The following CEP112 variants were observed in gnomAD, a reference collection of about 807,000 sequenced individuals.
The protein encoded by CEP112 is centrosomal protein 112, also known as centrosomal protein of 112 kDa.
In CEP112, 127 loss-of-function variants were observed where a neutral mutation model predicts 153.0. The ratio of observed to expected loss-of-function variants is 0.83; its 90% CI spans 0.72 to 0.96. CEP112 has a LOEUF of 0.96. Among genes scored for constraint, CEP112 ranks in the 40% least tolerant of loss-of-function variants. The pLI is 0.00. For missense variants in CEP112, 1,089 were observed against 1,101.2 expected (o/e 0.99, Z 0.16); for synonymous variants, 358 against 374.4 (o/e 0.96, Z 0.51).
chr17:65,976,348 AT>A (rs2063033100), intron 17 of CEP112, among the ~76,000 whole-genome samples: 1 of 152,180 alleles, frequency 6.6e-6, no homozygotes, highest in Non-Finnish European at 1.5e-5. Flanking sequence ...CATGTTATTT[AT>A]TGGCCTTGAC....
chr17:65,727,466 G>C (rs2050246051), intron 23 of CEP112, among the ~76,000 whole-genome samples: 3 of 152,288 alleles, frequency 2.0e-5, no homozygotes, highest in Non-Finnish European at 4.4e-5. Context: ...TCGGCTGAGA[G>C]GAGGCTGTTT....
chr17:66,028,180 A>G (rs1012749980), intron 15 of CEP112, 133 bp downstream of exon 15: 8 of 576,782 alleles, frequency 1.4e-5, no homozygotes, highest in Middle Eastern at 5.6e-4. Flanking sequence ...AAAATTATAC[A>G]ATGCGATAAA....
chr17:65,681,439 C>T (rs578209907), intron 24 of CEP112, among the ~76,000 whole-genome samples: 10 of 151,634 alleles, frequency 6.6e-5, no homozygotes, highest in South Asian at 6.3e-4. Context: ...TGCATCAAGA[C>T]GACTCTGACA....
intron 4 of CEP112, among the ~76,000 whole-genome samples, chr17:66,163,912 C>T (rs2071820903): frequency 6.6e-6 from 1 of 152,112 alleles, no homozygotes; most frequent in Non-Finnish European, 1.5e-5. Context: ...CAAAGCCTCA[C>T]TCATTAAAAG....
At chr17:66,092,605 T>C (rs1055131506) in intron 8 of CEP112, among the ~76,000 whole-genome samples, 1 of 152,134 alleles carries the variant, frequency 6.6e-6, no homozygotes, top group African/African-American at 2.4e-5. Flanking sequence ...AGGATGAAGA[T>C]AGATGCAAAA....
At chr17:66,110,849 A>C (rs374251919) in intron 6 of CEP112, among the ~76,000 whole-genome samples, 1 of 152,326 alleles carries the variant, frequency 6.6e-6, no homozygotes, top group East Asian at 1.9e-4. Flanking sequence ...AAAAGCAAAA[A>C]TTGACAAGTG....
intron 21 of CEP112, among the ~76,000 whole-genome samples, chr17:65,767,300 G>A (rs2053044507): frequency 6.6e-6 from 1 of 151,910 alleles, no homozygotes; most frequent in Admixed American, 6.6e-5. Context: ...GATCAAAGAA[G>A]AAATCAAAAG....
rs1281142752 is a variant in CEP112, at chr17:65,978,356, A to T, written c.1737-16758T>A. 2.0e-5 allele frequency among the ~76,000 whole-genome samples: 3 copies of T among 152,394 alleles called. No homozygotes were observed. The South Asian group carries it at 6.2e-4, about 32-fold the overall frequency. Reference sequence around the variant, plus strand: ...CACAAAAGGAAAATACTTTGGTGACATAAAGGTAAACATTGGCATTCTATC... The same window carrying T: ...CACAAAAGGAAAATACTTTGGTGACTTAAAGGTAAACATTGGCATTCTATC... On this transcript the variant is annotated intron_variant, in intron 17 of 26. Coordinates refer to ENST00000535342, the MANE Select transcript of CEP112 (RefSeq NM_001199165.4).
chr17:65,839,196 T>A (rs1266278244), intron 21 of CEP112, among the ~76,000 whole-genome samples: 2 of 151,464 alleles, frequency 1.3e-5, no homozygotes, highest in African/African-American at 4.8e-5. Flanking sequence ...GACACACACA[T>A]ACACACACAC....
rs199764555 is a variant in CEP112, at chr17:66,029,103, T to C, written c.1503+20A>G. Reference sequence around the variant, plus strand: ...GTGAATAAATACTTCATGTGGATTATCTATTAACATAAATAATACCTTAGA... The same window carrying C: ...GTGAATAAATACTTCATGTGGATTACCTATTAACATAAATAATACCTTAGA... On this transcript the variant is annotated intron_variant, in intron 14 of 26. Transcript: ENST00000535342. The C allele has an allele frequency of 6.4e-6, 10 of 1,562,918 alleles. No homozygotes were observed. The highest frequency in any genetic ancestry group is 1.1e-5 in the South Asian group (1 of 87,788).
At chr17:65,890,860 G>A (rs1027026832) in intron 20 of CEP112, among the ~76,000 whole-genome samples, 1 of 152,198 alleles carries the variant, frequency 6.6e-6, no homozygotes, top group African/African-American at 2.4e-5. Context: ...AGGGGAGCTT[G>A]TCCTTCTGAC....
At chr17:65,649,078 ACACACACACACACACACACACAC>A (rs2045603450) in intron 24 of CEP112, among the ~76,000 whole-genome samples, 5 of 144,500 alleles carry the variant, frequency 3.5e-5, no homozygotes, top group African/African-American at 1.0e-4. Flanking sequence ...AAACAAACAC[ACACACACACACACACACACACAC>A]ACACACACAC....
rs1326340505 is a variant in CEP112, at chr17:65,726,591, AG to A, written c.2607+16476del. 3.3e-5 allele frequency among the ~76,000 whole-genome samples: 5 copies of A among 152,316 alleles called. No homozygotes were observed. In the East Asian group the frequency reaches 9.6e-4, roughly 29 times the overall value. The stretch of plus-strand genomic sequence containing the variant: ...TGATTGGAAGAGAATGTGTGTGTCA[AG>A]GAATAGTGAGAAACCTGGATGGGCT... On this transcript the variant is annotated intron_variant, in intron 23 of 26. Transcript: ENST00000535342.
At chr17:65,744,439 G>A (rs560851424) in intron 22 of CEP112, among the ~76,000 whole-genome samples, 1 of 151,932 alleles carries the variant, frequency 6.6e-6, no homozygotes, top group Non-Finnish European at 1.5e-5. Context: ...GTAGAGACGA[G>A]TTTCACCATA....
intron 24 of CEP112, among the ~76,000 whole-genome samples, chr17:65,664,410 G>A (rs1401634217): frequency 6.6e-6 from 1 of 152,194 alleles, no homozygotes; most frequent in East Asian, 1.9e-4. Flanking sequence ...GTCTGGCAGA[G>A]AGATCCAATA....
intron 12 of CEP112, among the ~76,000 whole-genome samples, chr17:66,037,117 C>T (rs2065772040): frequency 6.6e-6 from 1 of 152,080 alleles, no homozygotes; most frequent in African/African-American, 2.4e-5. Flanking sequence ...GCTAAAGGAA[C>T]AGACCAGTAG....
At chr17:65,962,525 T>A (rs2062243362) in intron 17 of CEP112, among the ~76,000 whole-genome samples, 1 of 152,236 alleles carries the variant, frequency 6.6e-6, no homozygotes, top group Non-Finnish European at 1.5e-5. Context: ...CTTCAGTTTA[T>A]AAATGCATGC....
At chr17:65,858,549 T>C (rs537423332) in intron 20 of CEP112, among the ~76,000 whole-genome samples, 22 of 152,308 alleles carry the variant, frequency 1.4e-4, no homozygotes, top group African/African-American at 5.1e-4. Flanking sequence ...AATTTAATGT[T>C]ATTAATATCT....
At chr17:65,929,469 A>G (rs1258535320) in intron 18 of CEP112, among the ~76,000 whole-genome samples, 2 of 152,208 alleles carry the variant, frequency 1.3e-5, no homozygotes, top group Admixed American at 1.3e-4. Flanking sequence ...TTTGTTTAGC[A>G]TCACCTTTGT....
Sources: gnomAD v4.1 joint callset for allele counts (sites outside exome capture counted in the v4.1 genomes callset) on GRCh38, gnomAD v4.1.1 for gene constraint, MANE v1.5 for transcripts, NCBI Gene and HGNC (gene_info 2026-07-23, HGNC 2026-07-21) for gene names.